Variants in TCF12 observed in about 807,000 individuals in gnomAD.
TCF12 encodes the protein DNA-binding protein HTF4.
In TCF12, 45 loss-of-function variants were observed where a neutral mutation model predicts 86.0. The ratio of observed to expected loss-of-function variants is 0.52; its 90% CI spans 0.41 to 0.67. The LOEUF is 0.67. Among genes scored for constraint, TCF12 ranks in the 30% least tolerant of loss-of-function variants. The probability of loss-of-function intolerance (pLI) is 0.00; values close to 1 mark genes in which losing one functional copy is unlikely to be tolerated. For missense variants in TCF12, 881 were observed against 859.9 expected (o/e 1.02, Z -0.31); for synonymous variants, 330 against 299.6 (o/e 1.10, Z -1.05).
At chr15:57,023,507 A>G (rs1239131452) in intron 3 of TCF12, among the ~76,000 whole-genome samples, 2 of 152,188 alleles carry the variant, frequency 1.3e-5, no homozygotes, top group Admixed American at 6.5e-5. Context: ...TTCTGCACCA[A>G]CCATATGAGT....
intron 3 of TCF12, among the ~76,000 whole-genome samples, chr15:56,969,783 C>T (rs1312404976): frequency 6.6e-6 from 1 of 152,076 alleles, no homozygotes; most frequent in African/African-American, 2.4e-5. Context: ...ATTTGGGAGT[C>T]ATCTGAATAG....
rs550493641 is a variant in TCF12 at position 57,223,643 on chromosome 15, G to GTTTTTTTTTTTTTTTTTTTTTTT, written c.580-7503_580-7481dup. On this transcript the variant is annotated intron_variant, in intron 8 of 20. Transcript: ENST00000333725. ...GTTTTGGCACCTGCCTACCAATGAG[G>GTTTTTTTTTTTTTTTTTTTTTTT]TTTTTTTTTTTTTTTTTTTTTTTTT... 3.7e-4 allele frequency among the ~76,000 whole-genome samples: 26 copies of GTTTTTTTTTTTTTTTTTTTTTTT among 69,688 alleles called. 6 individuals are homozygous for GTTTTTTTTTTTTTTTTTTTTTTT. Among genetic ancestry groups the GTTTTTTTTTTTTTTTTTTTTTTT allele is most frequent in the South Asian group, 6.8e-4 (1 of 1,476 alleles). 45.7% of individuals were successfully genotyped at this position (69,688 alleles called of 152,430 possible). A position where few individuals can be genotyped will look rare whatever the true frequency, so the allele number is the denominator to read the frequency against.
At chr15:57,196,326 G>A (rs2615216) in intron 7 of TCF12, among the ~76,000 whole-genome samples, 148,373 of 152,314 alleles carry the variant, frequency 0.97, 72,391 homozygotes, top group East Asian at 1. Context: ...TTTAAAGTAT[G>A]TAAGAGGATA....
At chr15:57,197,850 T>A (rs199623790) in intron 8 of TCF12, 25 bp downstream of exon 8, 9 of 1,611,684 alleles carry the variant, frequency 5.6e-6, no homozygotes, top group Non-Finnish European at 7.6e-6. Flanking sequence ...TTTTTTAACT[T>A]GATGGTAAAC....
intron 3 of TCF12, among the ~76,000 whole-genome samples, chr15:56,975,799 G>A (rs1302931212): frequency 1.3e-5 from 2 of 151,758 alleles, no homozygotes; most frequent in Non-Finnish European, 1.5e-5. Context: ...AGCTTCCTAC[G>A]TATTTATCGC....
Position 57,282,580 on chromosome 15 carries a change from A to G in TCF12, c.2114A>G (p.His705Arg), listed in dbSNP as rs1412942620. 6.2e-7 allele frequency: 1 copy of G among 1,613,008 alleles called. No individual in the cohort carries two copies. The highest frequency in any genetic ancestry group is 1.7e-5 in the Admixed American group (1 of 59,754). The change falls in exon 20 of 21, where the codon CAT becomes CGT. Residue 705 changes from histidine to arginine, a missense_variant. Around this residue, in one of 3 missense-constraint regions of TCF12, gnomAD observed 69 missense variants for 64.2 expected, o/e 1.07. Transcript: ENST00000333725. ...AGTGAAACTACCAACCCTATGGGTC[A>G]TATGTAAACATCAGCCAGGTAAGTA... is the stretch of plus-strand genomic sequence containing the variant. ...GLSETTNPMGHM is the reference protein window; with the variant it reads ...GLSETTNPMGRM
intron 3 of TCF12, among the ~76,000 whole-genome samples, chr15:57,046,873 T>G (rs1381784109): frequency 5.9e-5 from 9 of 152,200 alleles, no homozygotes; most frequent in African/African-American, 2.2e-4. Flanking sequence ...AAACAGTATT[T>G]CCCCTTCTTC....
chr15:57,147,906 A>G (rs1255255056), intron 5 of TCF12, among the ~76,000 whole-genome samples: 2 of 150,672 alleles, frequency 1.3e-5, no homozygotes, highest in Non-Finnish European at 3.0e-5. Flanking sequence ...TTTTAAACAA[A>G]GTCTTGCTCT....
chr15:57,064,752 T>C (rs2068723413), intron 4 of TCF12, among the ~76,000 whole-genome samples: 1 of 130,426 alleles, frequency 7.7e-6, no homozygotes, highest in Non-Finnish European at 1.5e-5. Context: ...GCCAAGATCA[T>C]GCCACTGGAC....
intron 20 of TCF12, among the ~76,000 whole-genome samples, chr15:57,283,511 C>A (rs1398546365): frequency 6.6e-6 from 1 of 152,154 alleles, no homozygotes; most frequent in Non-Finnish European, 1.5e-5. Context: ...GTGATCCACC[C>A]GCCTCAGCCT....
intron 16 of TCF12, among the ~76,000 whole-genome samples, chr15:57,255,021 A>AT (rs1447755866): frequency 6.6e-6 from 1 of 152,178 alleles, no homozygotes; most frequent in Non-Finnish European, 1.5e-5. Context: ...ATTTATCCTT[A>AT]TTTAGAAGCA....
At chr15:57,026,266 G>C (rs76317973) in intron 3 of TCF12, among the ~76,000 whole-genome samples, 2,075 of 152,294 alleles carry the variant, frequency 0.014, 53 homozygotes, top group African/African-American at 0.043. Context: ...GATTTCACCA[G>C]CCAATAGTGT....
intron 3 of TCF12, among the ~76,000 whole-genome samples, chr15:57,032,522 A>G (rs952406662): frequency 6.6e-6 from 1 of 152,178 alleles, no homozygotes; most frequent in African/African-American, 2.4e-5. Context: ...TGGACCTCCC[A>G]TGCTCAAGTG....
At chr15:57,177,701 T>TTTTA (rs2056049508) in intron 6 of TCF12, among the ~76,000 whole-genome samples, 1 of 151,140 alleles carries the variant, frequency 6.6e-6, no homozygotes, top group African/African-American at 2.4e-5. Flanking sequence ...TTTATTTTTA[T>TTTTA]TTTATTTACT....
intron 3 of TCF12, among the ~76,000 whole-genome samples, chr15:57,053,055 C>T (rs371465098): frequency 5.3e-5 from 8 of 152,130 alleles, no homozygotes; most frequent in East Asian, 1.9e-4. Flanking sequence ...TTAATAGCAG[C>T]TATACCATTT....
At chr15:56,962,659 C>T (rs2140594561) in intron 3 of TCF12, among the ~76,000 whole-genome samples, 1 of 152,232 alleles carries the variant, frequency 6.6e-6, no homozygotes, top group East Asian at 1.9e-4. Flanking sequence ...CCTACTTAGG[C>T]CTCAGTTTTC....
At chr15:57,227,340 C>CTG (rs2058937977) in intron 8 of TCF12, among the ~76,000 whole-genome samples, 1 of 152,110 alleles carries the variant, frequency 6.6e-6, no homozygotes, top group Non-Finnish European at 1.5e-5. Flanking sequence ...GTGCACAGCT[C>CTG]CAGCCTCTAG....
intron 5 of TCF12, among the ~76,000 whole-genome samples, chr15:57,121,466 T>C (rs2067851780): frequency 6.6e-6 from 1 of 152,212 alleles, no homozygotes; most frequent in South Asian, 2.1e-4. Flanking sequence ...TGGGAGGTTA[T>C]TAAATTATGA....
intron 6 of TCF12, among the ~76,000 whole-genome samples, chr15:57,185,524 A>C (rs1333897764): frequency 6.6e-6 from 1 of 152,238 alleles, no homozygotes; most frequent in Non-Finnish European, 1.5e-5. Context: ...AGGAAATAAC[A>C]AAAGATTAGA....
Sources: gnomAD v4.1 joint callset for allele counts (sites outside exome capture counted in the v4.1 genomes callset) on GRCh38, gnomAD v4.1.1 for gene constraint, gnomAD v4.1.1 regional missense constraint, MANE v1.5 for transcripts, NCBI Gene and HGNC (gene_info 2026-07-23, HGNC 2026-07-21) for gene names.